FREM2: variants seen among roughly 807,000 people sequenced by gnomAD.
FREM2 encodes FRAS1 related extracellular matrix 2.
In FREM2, 119 loss-of-function variants were observed where a neutral mutation model predicts 219.9. The ratio of observed to expected loss-of-function variants is 0.54; its 90% CI spans 0.47 to 0.63. The LOEUF (loss-of-function observed/expected upper bound fraction) is 0.63, where lower values mean the gene tolerates loss of function less well. Among genes scored for constraint, FREM2 ranks in the 30% least tolerant of loss-of-function variants. The pLI is 0.00. For missense variants in FREM2, 4,030 were observed against 3,993.6 expected, an observed-to-expected ratio of 1.01 and a Z score of -0.25; for synonymous variants, 1,562 against 1,522.8, an observed-to-expected ratio of 1.03 and a Z score of -0.60.
At chr13:38,866,268 G>A (rs1877958453) in intron 16 of FREM2, among the ~76,000 whole-genome samples, 3 of 152,102 alleles carry the variant, frequency 2.0e-5, no homozygotes, top group Non-Finnish European at 4.4e-5. Flanking sequence ...GCCGAGGCGG[G>A]CAGATCACCT....
chr13:38,690,786 T>A lies in FREM2; in HGVS notation c.3442T>A (p.Tyr1148Asn). Residue 1148 changes from tyrosine to asparagine, a missense_variant, in exon 1 of 24, where the codon TAT becomes AAT. Transcript: ENST00000280481. ...LKDLRQGHIN[Y>N]VQSVHKGVEP... is the part of the protein sequence containing the mutation. ...AGATCTCAGGCAGGGCCACATAAAC[T>A]ATGTCCAGAGTGTCCATAAAGGGGT... 6.2e-7 allele frequency: 1 copy of A among 1,614,198 alleles called. No homozygotes were observed. Among genetic ancestry groups the A allele is most frequent in the Non-Finnish European group, 8.5e-7 (1 of 1,180,026 alleles).
At chr13:38,723,549 G>A (rs1249788027) in intron 2 of FREM2, among the ~76,000 whole-genome samples, 2 of 152,156 alleles carry the variant, frequency 1.3e-5, no homozygotes, top group Admixed American at 1.3e-4. Flanking sequence ...GATCCTTGCT[G>A]TGGGGGGTGC....
Position 38,886,000 on chromosome 13 carries a change from G to A in FREM2, c.*5213G>A, listed in dbSNP as rs1878712364. ...ACAATGTTCTTTTACTATGCCAAAT[G>A]TTGCCTACACTGATTACATGATTGT... On this transcript the variant is annotated 3_prime_UTR_variant, in exon 24 of 24. Coordinates refer to ENST00000280481, the MANE Select transcript of FREM2 (RefSeq NM_207361.6). 6.6e-6 allele frequency: 1 copy of A among 152,122 alleles called. No individual in the cohort carries two copies. The highest frequency in any genetic ancestry group is 2.4e-5 in the African/African-American group (1 of 41,422). 9.4% of individuals were successfully genotyped at this position (152,122 alleles called of 1,614,324 possible).
At chr13:38,817,819 G>A (rs7336305) in intron 6 of FREM2, among the ~76,000 whole-genome samples, 1,937 of 152,000 alleles carry the variant, frequency 0.013, 35 homozygotes, top group African/African-American at 0.044. Context: ...GCGAAAACGG[G>A]TTAATATCTA....
chr13:38,873,275 A>G (rs1224359299), intron 17 of FREM2, among the ~76,000 whole-genome samples: 1 of 152,212 alleles, frequency 6.6e-6, no homozygotes, highest in Non-Finnish European at 1.5e-5. Flanking sequence ...AGCTCCAACG[A>G]AAGCAAGAAA....
intron 2 of FREM2, among the ~76,000 whole-genome samples, chr13:38,751,800 C>CT (rs901162285): frequency 1.0e-3 from 147 of 147,120 alleles, no homozygotes; most frequent in Admixed American, 2.8e-3. Flanking sequence ...CATTGTCTAA[C>CT]TTTTTTTTTT....
intron 4 of FREM2, among the ~76,000 whole-genome samples, chr13:38,775,734 T>G (rs1873845494): frequency 6.6e-6 from 1 of 152,188 alleles, no homozygotes; most frequent in Non-Finnish European, 1.5e-5. Context: ...TTCACCTGCC[T>G]CAGCCTCCCA....
In FREM2 at chr13:38,848,472, T is replaced by G; in HGVS notation, c.6181T>G (p.Tyr2061Asp). Residue 2061 changes from tyrosine (Y) to aspartate (D), a missense_variant, in exon 8 of 24, where the codon TAT becomes GAT. This residue lies in a region of FREM2 where 3,102 missense variants were observed against 2,950.7 expected (regional missense o/e 1.05). Transcript: ENST00000280481. Reference protein sequence around the residue: ...DPPSADAGTDYVGISRNLDFA... With the variant: ...DPPSADAGTDDVGISRNLDFA... ...TGTTACTGTCATAGCTGGAACAGACTATGTGGGCATCAGCCGTAATTTAGA... is the reference window on the plus strand; with the variant it reads ...TGTTACTGTCATAGCTGGAACAGACGATGTGGGCATCAGCCGTAATTTAGA... 1 of 1,613,278 alleles carries G rather than the reference T, an allele frequency of 6.2e-7. No individual in the cohort carries two copies. Among genetic ancestry groups the G allele is most frequent in the Non-Finnish European group, 8.5e-7 (1 of 1,179,218 alleles).
rs762219950 is a variant in FREM2, at chr13:38,880,417, C to T, written c.9140C>T (p.Thr3047Ile). ...LVSQGKPQST[T>I]KSRKKREIRS... ...AGTCAAGGAAAGCCCCAATCCACCA[C>T]CAAGAGCCGGAAGAAGAGAGAGATC... The change falls in exon 24 of 24, where the codon ACC becomes ATC. Residue 3047 changes from threonine to isoleucine, a missense_variant. Thr to Ile is a moderately conservative substitution (Grantham distance 89). Coordinates refer to ENST00000280481, the MANE Select transcript of FREM2 (RefSeq NM_207361.6). The T allele has an allele frequency of 1.9e-6, 3 of 1,614,072 alleles. No homozygotes were observed. In the South Asian group the frequency reaches 3.3e-5, roughly 18 times the overall value.
chr13:38,704,321 G>T (rs919812381), intron 2 of FREM2, among the ~76,000 whole-genome samples: 3 of 152,206 alleles, frequency 2.0e-5, no homozygotes. Context: ...TTAGGATAAA[G>T]AAGTAGACGA....
intron 2 of FREM2, among the ~76,000 whole-genome samples, chr13:38,701,324 A>G (rs1187889850): frequency 1.3e-5 from 2 of 151,998 alleles, no homozygotes; most frequent in Non-Finnish European, 2.9e-5. Flanking sequence ...GGCTTCATCT[A>G]ATGAGCTCGT....
chr13:38,778,613 A>C (rs1170869353), intron 4 of FREM2, among the ~76,000 whole-genome samples: 1 of 152,148 alleles, frequency 6.6e-6, no homozygotes, highest in African/African-American at 2.4e-5. Flanking sequence ...ATGGACACAT[A>C]GCGGGAAACA....
intron 14 of FREM2, 120 bp from the exon 15 acceptor site, chr13:38,861,311 C>T: frequency 1.0e-6 from 1 of 958,220 alleles, no homozygotes; most frequent in East Asian, 2.6e-5. Flanking sequence ...TTAGCCATGC[C>T]CTACTCCACA....
chr13:38,795,127 T>C (rs968744130), intron 6 of FREM2, among the ~76,000 whole-genome samples: 1 of 151,992 alleles, frequency 6.6e-6, no homozygotes, highest in Non-Finnish European at 1.5e-5. Context: ...TATTACCTAA[T>C]GATCTCACTG....
chr13:38,769,642 A>C lies in FREM2; in HGVS notation c.5475A>C (p.Gln1825His). 6.2e-7 allele frequency: 1 copy of C among 1,614,192 alleles called. No individual in the cohort carries two copies. Among genetic ancestry groups the C allele is most frequent in the Non-Finnish European group, 8.5e-7 (1 of 1,180,014 alleles). ...ACTTCAAGGGCAAAGCACAGAAACA[A>C]GTGCAGTTCAACCCAGGCCAGACCA... Reference protein sequence around the residue: ...DKDFKGKAQKQVQFNPGQTRA... With the variant: ...DKDFKGKAQKHVQFNPGQTRA... The change falls in exon 4 of 24, where the codon CAA becomes CAC. Residue 1825 changes from glutamine (Q) to histidine (H), a missense_variant. Coordinates refer to ENST00000280481, the MANE Select transcript of FREM2 (RefSeq NM_207361.6).
In FREM2 at chr13:38,883,473, T is replaced by C. The variant is rs1878622101; in HGVS notation, c.*2686T>C. On this transcript the variant is annotated 3_prime_UTR_variant, in exon 24 of 24. Transcript: ENST00000280481. The stretch of plus-strand genomic sequence containing the variant: ...GCTTCTGACTCCAATCAAGGTCTTG[T>C]TGATATTATATAGTAAAAATAAAAC... 6.6e-6 allele frequency: 1 copy of C among 152,160 alleles called. No homozygotes were observed. 9.4% of individuals were successfully genotyped at this position (152,160 alleles called of 1,614,324 possible).
chr13:38,772,691 T>C (rs1031637139), intron 4 of FREM2, among the ~76,000 whole-genome samples: 3 of 121,242 alleles, frequency 2.5e-5, no homozygotes, highest in East Asian at 5.2e-4. Flanking sequence ...CTTTCTTTTT[T>C]TCTCTCTCTC....
chr13:38,818,715 C>G (rs1384631198), intron 6 of FREM2, among the ~76,000 whole-genome samples: 2 of 152,016 alleles, frequency 1.3e-5, no homozygotes, highest in Non-Finnish European at 2.9e-5. Flanking sequence ...GTAATCCCAG[C>G]ACTTTGGGAG....
At chr13:38,848,709 GA>G in intron 8 of FREM2, 39 bp downstream of exon 8, 9 of 1,487,346 alleles carry the variant, frequency 6.1e-6, no homozygotes, top group Non-Finnish European at 8.4e-6. Flanking sequence ...AATGATAATT[GA>G]AATCATAAGC....
Sources: allele counts gnomAD v4.1 joint callset (sites outside exome capture counted in the v4.1 genomes callset), GRCh38; gene constraint gnomAD v4.1.1; regional missense constraint gnomAD v4.1.1; transcripts MANE v1.5; gene names NCBI Gene and HGNC (gene_info 2026-07-23, HGNC 2026-07-21).